Variants in PTBP3 observed in about 807,000 individuals in gnomAD.
PTBP3 encodes polypyrimidine tract-binding protein 3.
Under a neutral mutation model 58.7 loss-of-function variants are expected in PTBP3, and 20 were observed. That is an observed-to-expected ratio of 0.34 (90% CI 0.24 to 0.50). PTBP3 has a LOEUF of 0.50. Among genes scored for constraint, PTBP3 ranks in the 20% least tolerant of loss-of-function variants. The pLI is 0.98. For synonymous variants in PTBP3, 185 were observed against 219.8 expected, an observed-to-expected ratio of 0.84 and a Z score of 1.40; for missense variants, 509 against 637.2, an observed-to-expected ratio of 0.80 and a Z score of 2.17.
At chr9:112,297,047 T>G (rs1828718514) in intron 2 of PTBP3, among the ~76,000 whole-genome samples, 2 of 152,162 alleles carry the variant, frequency 1.3e-5, no homozygotes, top group African/African-American at 4.8e-5. Context: ...CTCACTCTCT[T>G]TCCAGTACTG....
At chr9:112,366,417 T>C in the PTBP3 span, among the ~76,000 whole-genome samples, 11 of 152,278 alleles carry the variant, frequency 7.2e-5, no homozygotes, top group East Asian at 2.1e-3. Flanking sequence ...TTTCATGAAC[T>C]GGGTCCAGTG....
At chr9:112,300,384 A>AATGC (rs765949415) in intron 1 of PTBP3, among the ~76,000 whole-genome samples, 1 of 152,218 alleles carries the variant, frequency 6.6e-6, no homozygotes, top group Non-Finnish European at 1.5e-5. Flanking sequence ...AATGTTTGTA[A>AATGC]ATGCATGCAA....
the PTBP3 span, among the ~76,000 whole-genome samples, chr9:112,353,850 C>T: frequency 4.0e-5 from 6 of 151,792 alleles, no homozygotes; most frequent in Non-Finnish European, 7.4e-5. Context: ...CCCAGCTAAT[C>T]GGAAGGCTGA....
intron 1 of PTBP3, among the ~76,000 whole-genome samples, chr9:112,320,291 A>AAAAAATATAT (rs1411646280): frequency 1.1e-4 from 8 of 73,568 alleles, no homozygotes; most frequent in African/African-American, 4.5e-4. Context: ...AAAAAAAAAA[A>AAAAAATATAT]ATATATATAT....
the PTBP3 span, among the ~76,000 whole-genome samples, chr9:112,367,706 T>C: frequency 1.3e-5 from 2 of 152,172 alleles, no homozygotes; most frequent in African/African-American, 2.4e-5. Context: ...CCTTTTCTCT[T>C]GCTGCTTTCA....
At chr9:112,315,526 T>C (rs1210520603) in intron 1 of PTBP3, among the ~76,000 whole-genome samples, 1 of 152,090 alleles carries the variant, frequency 6.6e-6, no homozygotes, top group African/African-American at 2.4e-5. Context: ...TTGAGCCCAG[T>C]TCAAGGCTGT....
intron 7 of PTBP3, among the ~76,000 whole-genome samples, chr9:112,244,684 T>TA (rs1326427803): frequency 3.3e-5 from 5 of 151,050 alleles, no homozygotes; most frequent in East Asian, 3.9e-4. Context: ...TCTCAAAAAA[T>TA]AAAAAAATAA....
chr9:112,333,698 C>T (rs1483965466), upstream of PTBP3: 1 of 433,570 alleles, frequency 2.3e-6, no homozygotes, highest in African/African-American at 2.1e-5. Context: ...GCGTCCCCGC[C>T]TAGCCCGACC....
intron 5 of PTBP3, among the ~76,000 whole-genome samples, chr9:112,256,557 G>A (rs1836373924): frequency 6.6e-6 from 1 of 151,876 alleles, no homozygotes; most frequent in African/African-American, 2.4e-5. Flanking sequence ...TTAAGAGATG[G>A]GGTCACCCTG....
intron 3 of PTBP3, among the ~76,000 whole-genome samples, chr9:112,268,915 G>A (rs933003671): frequency 5.3e-5 from 8 of 152,084 alleles, no homozygotes; most frequent in African/African-American, 1.9e-4. Flanking sequence ...TGAGGCTAAG[G>A]CTGGGCACAG....
At chr9:112,345,840 G>A in the PTBP3 span, among the ~76,000 whole-genome samples, 1 of 151,774 alleles carries the variant, frequency 6.6e-6, no homozygotes, top group Non-Finnish European at 1.5e-5. Context: ...ATTGCCATAG[G>A]AATAGACAAA....
At chr9:112,333,156 C>T (rs572016580) in intron 1 of PTBP3, 4 of 1,209,900 alleles carry the variant, frequency 3.3e-6, no homozygotes, top group Admixed American at 4.3e-5. Flanking sequence ...GGACTCGGGG[C>T]GCGGAGGGCG....
At chr9:112,346,792 G>A in the PTBP3 span, among the ~76,000 whole-genome samples, 12 of 151,838 alleles carry the variant, frequency 7.9e-5, no homozygotes, top group East Asian at 2.0e-4. Context: ...GCGCAGTGGC[G>A]CTTTCTCAAC....
chr9:112,269,233 C>A, intron 3 of PTBP3, among the ~76,000 whole-genome samples: 2 of 144,744 alleles, frequency 1.4e-5, no homozygotes, highest in South Asian at 2.1e-4. Context: ...TGCTAAAAGG[C>A]TACAATACAT....
chr9:112,304,629 T>C (rs1829089067), intron 1 of PTBP3, among the ~76,000 whole-genome samples: 1 of 152,200 alleles, frequency 6.6e-6, no homozygotes, highest in African/African-American at 2.4e-5. Context: ...TGCAGTGGGA[T>C]GATCATAGCT....
At chr9:112,237,126 G>T (rs993953537) in intron 7 of PTBP3, among the ~76,000 whole-genome samples, 1 of 152,108 alleles carries the variant, frequency 6.6e-6, no homozygotes, top group Non-Finnish European at 1.5e-5. Context: ...TACATAAAAG[G>T]ACTGGCAAAC....
chr9:112,326,454 T>C (rs1415477878), intron 1 of PTBP3, among the ~76,000 whole-genome samples: 1 of 152,196 alleles, frequency 6.6e-6, no homozygotes, highest in East Asian at 1.9e-4. Flanking sequence ...GCAAGCCAAA[T>C]GTGGCCCATA....
intron 1 of PTBP3, among the ~76,000 whole-genome samples, chr9:112,313,276 C>T (rs1829562690): frequency 6.6e-6 from 1 of 152,134 alleles, no homozygotes; most frequent in African/African-American, 2.4e-5. Context: ...GTAATCACAG[C>T]TCACAGTAAC....
intron 1 of PTBP3, among the ~76,000 whole-genome samples, chr9:112,326,051 G>A (rs1830143902): frequency 6.6e-6 from 1 of 152,082 alleles, no homozygotes; most frequent in Admixed American, 6.5e-5. Flanking sequence ...AATCTCTGGT[G>A]ATAGAAATCA....
Sources: allele counts gnomAD v4.1 joint callset (sites outside exome capture counted in the v4.1 genomes callset), GRCh38; gene constraint gnomAD v4.1.1; transcripts MANE v1.5; gene names NCBI Gene and HGNC (gene_info 2026-07-23, HGNC 2026-07-21).